The following PDE4B variants were observed in gnomAD, a reference collection of about 807,000 sequenced individuals.
The protein encoded by PDE4B is 3',5'-cyclic-AMP phosphodiesterase 4B.
PDE4B carries 20 observed loss-of-function variants against 82.2 expected under a neutral mutation model. The ratio of observed to expected loss-of-function variants is 0.24; its 90% CI spans 0.17 to 0.35. PDE4B has a LOEUF of 0.35. Ranked by LOEUF, PDE4B falls within the 10% of genes least tolerant of loss-of-function variation. The pLI, the probability that PDE4B is intolerant of heterozygous loss-of-function variation, is 1.00. For synonymous variants in PDE4B, 320 were observed against 318.9 expected (o/e 1.00, Z -0.04); for missense variants, 655 against 907.2 (o/e 0.72, Z 3.57).
At chr1:66,016,598 T>C (rs957866959) in intron 3 of PDE4B, among the ~76,000 whole-genome samples, 1 of 152,006 alleles carries the variant, frequency 6.6e-6, no homozygotes, top group African/African-American at 2.4e-5. Flanking sequence ...ATCCAGTCAG[T>C]GAGAGGAAAA....
intron 7 of PDE4B, among the ~76,000 whole-genome samples, chr1:66,325,907 T>C (rs970293175): frequency 6.6e-6 from 1 of 152,152 alleles, no homozygotes; most frequent in Admixed American, 6.5e-5. Flanking sequence ...TATCTTCCTG[T>C]TTTACAGGTG....
chr1:66,332,317 T>C, intron 7 of PDE4B, 191 bp from the exon 8 acceptor site: 1 of 1,575,840 alleles, frequency 6.3e-7, no homozygotes, highest in Non-Finnish European at 8.6e-7. Context: ...GCACCAGCCA[T>C]CCCAGGCAGA....
intron 3 of PDE4B, among the ~76,000 whole-genome samples, chr1:65,993,341 C>T (rs1651355580): frequency 6.6e-6 from 1 of 152,138 alleles, no homozygotes; most frequent in Non-Finnish European, 1.5e-5. Flanking sequence ...TAGCTTTTTC[C>T]AGATAAAATA....
At chr1:66,086,025 T>C (rs1486501384) in intron 3 of PDE4B, among the ~76,000 whole-genome samples, 1 of 152,130 alleles carries the variant, frequency 6.6e-6, no homozygotes, top group Non-Finnish European at 1.5e-5. Flanking sequence ...CTACCCAGGC[T>C]TTTGTGATAG....
chr1:65,863,727 C>T (rs779907891), intron 1 of PDE4B, among the ~76,000 whole-genome samples: 2 of 152,202 alleles, frequency 1.3e-5, no homozygotes, highest in Non-Finnish European at 2.9e-5. Context: ...GTTAGCTCTT[C>T]TTGTTGCATT....
At chr1:65,936,027 CTTTTTTCTTT>C (rs1464760949) in intron 3 of PDE4B, among the ~76,000 whole-genome samples, 3 of 152,058 alleles carry the variant, frequency 2.0e-5, no homozygotes, top group Non-Finnish European at 2.9e-5. Context: ...ATTCTATAAG[CTTTTTTCTTT>C]TTTTTTCTTT....
intron 3 of PDE4B, among the ~76,000 whole-genome samples, chr1:65,922,887 G>A (rs1181212222): frequency 6.6e-6 from 1 of 152,112 alleles, no homozygotes; most frequent in Non-Finnish European, 1.5e-5. Context: ...GGGCACATTA[G>A]GGATGTGCCT....
At chr1:65,997,783 T>TA (rs1182283785) in intron 3 of PDE4B, among the ~76,000 whole-genome samples, 1 of 152,196 alleles carries the variant, frequency 6.6e-6, no homozygotes, top group African/African-American at 2.4e-5. Flanking sequence ...AGAACTCCTA[T>TA]ACTAGCTGGA....
chr1:65,931,688 C>T (rs1436888172), intron 3 of PDE4B, among the ~76,000 whole-genome samples: 3 of 152,204 alleles, frequency 2.0e-5, no homozygotes, highest in Admixed American at 2.0e-4. Flanking sequence ...TTGAGAGCCT[C>T]CTGCACCCAG....
At chr1:65,865,900 A>G (rs1384590847) in intron 1 of PDE4B, among the ~76,000 whole-genome samples, 2 of 151,844 alleles carry the variant, frequency 1.3e-5, no homozygotes, top group Non-Finnish European at 2.9e-5. Context: ...CTCTCCCTCC[A>G]TCCCAACTCC....
At chr1:66,032,475 C>A (rs1346601390) in intron 3 of PDE4B, among the ~76,000 whole-genome samples, 1 of 152,134 alleles carries the variant, frequency 6.6e-6, no homozygotes, top group Non-Finnish European at 1.5e-5. Flanking sequence ...CCCTAAGATG[C>A]TGCACTGGTG....
chr1:65,959,084 C>A (rs554725319), intron 3 of PDE4B, among the ~76,000 whole-genome samples: 85 of 152,280 alleles, frequency 5.6e-4, no homozygotes, highest in Non-Finnish European at 9.7e-4. Flanking sequence ...CACCGCTGTG[C>A]CTTGTGTAGG....
At chr1:66,114,971 C>A (rs769685156) in intron 3 of PDE4B, among the ~76,000 whole-genome samples, 4 of 152,142 alleles carry the variant, frequency 2.6e-5, no homozygotes, top group Admixed American at 1.3e-4. Flanking sequence ...TATCCAGTGT[C>A]AGAACCTTCC....
intron 7 of PDE4B, among the ~76,000 whole-genome samples, chr1:66,307,150 A>C (rs1658338364): frequency 6.6e-6 from 1 of 152,076 alleles, no homozygotes; most frequent in South Asian, 2.1e-4. Context: ...CAGAGTGAGG[A>C]GCTGGTGCAG....
At chr1:66,097,126 A>T (rs551615783) in intron 3 of PDE4B, among the ~76,000 whole-genome samples, 1 of 152,068 alleles carries the variant, frequency 6.6e-6, no homozygotes, top group African/African-American at 2.4e-5. Context: ...TCAGAAGGGG[A>T]TTACTGGATG....
chr1:66,041,290 A>G (rs1463611919), intron 3 of PDE4B, among the ~76,000 whole-genome samples: 1 of 151,986 alleles, frequency 6.6e-6, no homozygotes, highest in Non-Finnish European at 1.5e-5. Flanking sequence ...TCCAGTACTC[A>G]AAGATGTGCA....
intron 3 of PDE4B, among the ~76,000 whole-genome samples, chr1:66,168,977 G>A (rs971429922): frequency 6.6e-6 from 1 of 152,166 alleles, no homozygotes; most frequent in Non-Finnish European, 1.5e-5. Context: ...CAGGAACACA[G>A]ATCCAACTAA....
chr1:65,904,537 A>T (rs17450973), intron 1 of PDE4B, among the ~76,000 whole-genome samples: 25,792 of 151,922 alleles, frequency 0.17, 2,424 homozygotes, highest in Middle Eastern at 0.3. Context: ...TCTCTCCTTT[A>T]TGTTTCATCA....
intron 3 of PDE4B, among the ~76,000 whole-genome samples, chr1:66,226,241 T>C (rs925020981): frequency 2.0e-5 from 3 of 152,196 alleles, no homozygotes; most frequent in Non-Finnish European, 4.4e-5. Context: ...AATATCTTTG[T>C]TGAGGGTCTT....
Sources: allele counts gnomAD v4.1 joint callset (sites outside exome capture counted in the v4.1 genomes callset), GRCh38; gene constraint gnomAD v4.1.1; transcripts MANE v1.5; gene names NCBI Gene and HGNC (gene_info 2026-07-23, HGNC 2026-07-21).